Variants in PCDHGB2 observed in about 807,000 individuals in gnomAD.
PCDHGB2 encodes the protein protocadherin gamma subfamily B, 2, also known as protocadherin gamma-B2.
Under a neutral mutation model 59.3 loss-of-function variants are expected in PCDHGB2, and 55 were observed. That is an observed-to-expected ratio of 0.93 (90% CI 0.75 to 1.16). PCDHGB2 has a LOEUF of 1.16. PCDHGB2 is among the 50% of genes most tolerant of loss of function. The pLI is 0.00. For synonymous variants in PCDHGB2, 516 were observed against 512.0 expected (o/e 1.01, Z -0.11); for missense variants, 1,228 against 1,198.5 (o/e 1.02, Z -0.36).
intron 1 of PCDHGB2, chr5:141,395,210 A>G (rs200048432): frequency 1.2e-6 from 2 of 1,613,418 alleles, no homozygotes; most frequent in East Asian, 2.2e-5. Context: ...ATTTTCATGA[A>G]TATAAGAATG....
At chr5:141,510,816 A>G (rs1478938067) in intron 3 of PCDHGB2, 131 bp from the exon 4 acceptor site, 2 of 1,547,282 alleles carry the variant, frequency 1.3e-6, no homozygotes, top group Non-Finnish European at 1.8e-6. Context: ...GGTGACCCCT[A>G]TATTCCCAGT....
chr5:141,419,776 C>A (rs965350189), intron 1 of PCDHGB2: 3 of 1,613,908 alleles, frequency 1.9e-6, no homozygotes, highest in African/African-American at 2.7e-5. Flanking sequence ...ACTCGGTCCG[C>A]CAGCGCCTGC....
chr5:141,375,070 C>T (rs1399275208), intron 1 of PCDHGB2: 2 of 1,613,854 alleles, frequency 1.2e-6, no homozygotes, highest in Admixed American at 1.7e-5. Flanking sequence ...GTCTTCGAGA[C>T]AGAGCGAAAG....
At position 141,476,827 on chromosome 5, in the gene PCDHGB2, G is replaced by A; in HGVS notation, c.2422-17980G>A. On this transcript the variant is annotated intron_variant, in intron 1 of 3. Transcript: ENST00000522605. The surrounding 1 kb of genome is among the most constrained non-coding windows in gnomAD (Gnocchi z 7.6). ...CTATTCACATCAAGGTGCTGGACGC[G>A]AATGACAATGCGCCTGTCTTCAACC... The A allele has an allele frequency of 1.2e-6, 2 of 1,613,542 alleles. No individual in the cohort carries two copies. Among genetic ancestry groups the A allele is most frequent in the Non-Finnish European group, 1.7e-6 (2 of 1,180,046 alleles).
At chr5:141,375,453 A>C in intron 1 of PCDHGB2, 1 of 1,613,612 alleles carries the variant, frequency 6.2e-7, no homozygotes, top group South Asian at 1.1e-5. Flanking sequence ...CATTCATCCT[A>C]CTCAGTCTAT....
At chr5:141,408,070 T>C (rs1413400462) in intron 1 of PCDHGB2, 3 of 1,381,930 alleles carry the variant, frequency 2.2e-6, no homozygotes, top group Non-Finnish European at 2.9e-6. Context: ...TGCGCAGACC[T>C]TTCCCAGCAC....
At chr5:141,465,229 A>G (rs1010075158) in intron 1 of PCDHGB2, among the ~76,000 whole-genome samples, 6 of 152,208 alleles carry the variant, frequency 3.9e-5, no homozygotes, top group Non-Finnish European at 2.9e-5. Flanking sequence ...CATGAGCTCC[A>G]TCAAGTTCAA....
In PCDHGB2 at chr5:141,476,650, A is replaced by G. The variant is rs2099395609; in HGVS notation, c.2422-18157A>G. 6.2e-7 allele frequency: 1 copy of G among 1,614,126 alleles called. No individual in the cohort carries two copies. The highest frequency in any genetic ancestry group is 1.3e-5 in the African/African-American group (1 of 74,952). On this transcript the variant is annotated intron_variant, in intron 1 of 3. Transcript: ENST00000522605. This position sits in a 1 kb window ranked among gnomAD's most constrained non-coding sequence, Gnocchi z 7.6. Reference sequence around the variant, plus strand: ...AAACCTATGAGCTGAGCCGAAATGAATACTTTGCGCTTCGCGTGCAGACGC... The same window carrying G: ...AAACCTATGAGCTGAGCCGAAATGAGTACTTTGCGCTTCGCGTGCAGACGC...
Position 141,485,209 on chromosome 5 carries a change from G to T in PCDHGB2, c.2422-9598G>T, listed in dbSNP as rs2099609420. The T allele has an allele frequency of 6.2e-7, 1 of 1,614,032 alleles. No individual in the cohort carries two copies. Among genetic ancestry groups the T allele is most frequent in the African/African-American group, 1.3e-5 (1 of 74,938 alleles). On this transcript the variant is annotated intron_variant, in intron 1 of 3. Transcript: ENST00000522605. This position sits in a 1 kb window ranked among gnomAD's most constrained non-coding sequence, Gnocchi z 5.7. Reference sequence around the variant, plus strand: ...AGGTGAGAAGCTGGACAGAAATCTGGCGGTGGGCTACCCTTTTGTTCCTCT... The same window carrying T: ...AGGTGAGAAGCTGGACAGAAATCTGTCGGTGGGCTACCCTTTTGTTCCTCT...
At chr5:141,471,046 C>CT (rs1170588345) in intron 1 of PCDHGB2, among the ~76,000 whole-genome samples, 3,156 of 113,234 alleles carry the variant, frequency 0.028, 57 homozygotes, top group African/African-American at 0.046. Context: ...CCCAAGCCCT[C>CT]TTTTTTTTTT....
intron 1 of PCDHGB2, chr5:141,389,928 C>A: frequency 6.2e-7 from 1 of 1,614,068 alleles, no homozygotes. Flanking sequence ...CCCCTCTGAC[C>A]TCCAGGCTGA....
chr5:141,384,119 C>G, intron 1 of PCDHGB2: 5 of 1,608,930 alleles, frequency 3.1e-6, no homozygotes, highest in Non-Finnish European at 4.2e-6. Context: ...TTGGTCACAA[C>G]CAAAAACTTG....
intron 1 of PCDHGB2, chr5:141,428,082 G>T (rs776612130): frequency 1.2e-6 from 2 of 1,609,030 alleles, no homozygotes; most frequent in South Asian, 2.2e-5. Flanking sequence ...GGGACACAAC[G>T]CTTGGCTGTC....
chr5:141,404,917 G>A (rs750464541), intron 1 of PCDHGB2: 37 of 1,613,652 alleles, frequency 2.3e-5, no homozygotes, highest in Middle Eastern at 3.3e-4. Flanking sequence ...CCCCTCTCTC[G>A]GCCACTGTCA....
intron 1 of PCDHGB2, chr5:141,375,866 G>T: frequency 1.2e-6 from 2 of 1,613,948 alleles, no homozygotes; most frequent in Non-Finnish European, 8.5e-7. Flanking sequence ...GGTGGCGGTG[G>T]ACAGAGACTC....
chr5:141,375,700 C>T (rs746996990), intron 1 of PCDHGB2: 9 of 1,614,270 alleles, frequency 5.6e-6, no homozygotes, highest in Middle Eastern at 3.3e-4. Flanking sequence ...ACAGCGGGGA[C>T]CCGCCTCTTA....
intron 1 of PCDHGB2, chr5:141,384,315 C>G (rs1465826601): frequency 6.2e-7 from 1 of 1,613,878 alleles, no homozygotes; most frequent in Non-Finnish European, 8.5e-7. Flanking sequence ...CCTCCATTTT[C>G]TTAGTGACTG....
At chr5:141,457,356 C>G (rs2098917888) in intron 1 of PCDHGB2, among the ~76,000 whole-genome samples, 1 of 152,170 alleles carries the variant, frequency 6.6e-6, no homozygotes, top group South Asian at 2.1e-4. Context: ...TTACCTGGCA[C>G]AATTTGCAAA....
chr5:141,421,374 C>G, intron 1 of PCDHGB2: 1 of 1,614,062 alleles, frequency 6.2e-7, no homozygotes, highest in Non-Finnish European at 8.5e-7. Context: ...TGGGCAATAT[C>G]TCCAAGGACC....
Sources: gnomAD v4.1 joint callset for allele counts (sites outside exome capture counted in the v4.1 genomes callset) on GRCh38, gnomAD v4.1.1 for gene constraint, Gnocchi (gnomAD v3.1) non-coding constraint, MANE v1.5 for transcripts, NCBI Gene and HGNC (gene_info 2026-07-23, HGNC 2026-07-21) for gene names.